BCR: variants seen among roughly 807,000 people sequenced by gnomAD.
BCR encodes BCR activator of RhoGEF and GTPase, also known as breakpoint cluster region protein.
Under a neutral mutation model 138.6 loss-of-function variants are expected in BCR, and 58 were observed. The ratio of observed to expected loss-of-function variants is 0.42; its 90% confidence interval spans 0.34 to 0.52. The LOEUF (loss-of-function observed/expected upper bound fraction) is 0.52, where lower values mean the gene tolerates loss of function less well. Among genes scored for constraint, BCR ranks in the 20% least tolerant of loss-of-function variants. The pLI is 0.06. For missense variants in BCR, 1,599 were observed against 1,727.2 expected (o/e 0.93, Z 1.32); for synonymous variants, 786 against 730.1 (o/e 1.08, Z -1.23).
chr22:23,313,493 A>G (rs1448891184), intron 20 of BCR, among the ~76,000 whole-genome samples: 1 of 152,208 alleles, frequency 6.6e-6, no homozygotes, highest in African/African-American at 2.4e-5. Context: ...GGGCCCATGC[A>G]CAGAGGACCT....
chr22:23,190,414 C>T (rs2072399172), intron 1 of BCR, among the ~76,000 whole-genome samples: 1 of 152,162 alleles, frequency 6.6e-6, no homozygotes, highest in Non-Finnish European at 1.5e-5. Flanking sequence ...GTGATCCGCC[C>T]TCCTCGGCCT....
chr22:23,247,583 C>G (rs2073170795), intron 1 of BCR, among the ~76,000 whole-genome samples: 1 of 152,192 alleles, frequency 6.6e-6, no homozygotes, highest in Non-Finnish European at 1.5e-5. Context: ...GGGTCAGGGG[C>G]TGGGTTCCTG....
intron 1 of BCR, among the ~76,000 whole-genome samples, chr22:23,207,942 T>C (rs1230088868): frequency 6.6e-6 from 1 of 152,184 alleles, no homozygotes; most frequent in African/African-American, 2.4e-5. Flanking sequence ...TGATGGCCTA[T>C]GCACCCCATA....
chr22:23,279,382 G>A (rs1305206060), intron 8 of BCR, among the ~76,000 whole-genome samples: 2 of 152,234 alleles, frequency 1.3e-5, no homozygotes, highest in Non-Finnish European at 1.5e-5. Context: ...CTCGGCTGCA[G>A]TGTATATTGG....
chr22:23,214,747 A>G (rs1056515699), intron 1 of BCR, among the ~76,000 whole-genome samples: 2 of 152,258 alleles, frequency 1.3e-5, no homozygotes, highest in Non-Finnish European at 2.9e-5. Context: ...TGCATTGTCC[A>G]AACCTGCATT....
At chr22:23,277,547 G>A (rs9612277) in intron 8 of BCR, among the ~76,000 whole-genome samples, 35,168 of 152,112 alleles carry the variant, frequency 0.23, 4,428 homozygotes, top group Middle Eastern at 0.3. Flanking sequence ...TGTGTCAAGG[G>A]GTTGGGGCTG....
chr22:23,285,312 C>T, intron 10 of BCR, 111 bp downstream of exon 10: 1 of 1,196,556 alleles, frequency 8.4e-7, no homozygotes, highest in African/African-American at 1.5e-5. Flanking sequence ...CAGGTCTGGT[C>T]TCTGGGACCC....
chr22:23,270,950 T>C (rs534782257), intron 5 of BCR, among the ~76,000 whole-genome samples: 173 of 152,340 alleles, frequency 1.1e-3, no homozygotes, highest in Admixed American at 2.8e-3. Context: ...GGAGGTATAA[T>C]CCAGTGTCAG....
Position 23,181,098 on chromosome 22 carries a change from G to C in BCR, c.138G>C (p.Glu46Asp). Residue 46 changes from glutamate (E) to aspartate (D), a missense_variant, in exon 1 of 23, where the codon GAG (glutamate) becomes GAC (aspartate). Transcript: ENST00000305877. ...ERCKASIRRLEQEVNQERFRM... is the reference protein window; with the variant it reads ...ERCKASIRRLDQEVNQERFRM... ...GCAAGGCCTCCATTCGGCGCCTGGA[G>C]CAGGAGGTGAACCAGGAGCGCTTCC... 6.6e-7 allele frequency: 1 copy of C among 1,511,400 alleles called. No individual in the cohort carries two copies. Among genetic ancestry groups the C allele is most frequent in the Non-Finnish European group, 8.9e-7 (1 of 1,123,190 alleles). The allele number at this position is 1,511,400 out of a possible 1,614,324, so 93.6% of individuals were successfully genotyped here. A position where few individuals can be genotyped will look rare whatever the true frequency, so the allele number is the denominator to read the frequency against.
intron 1 of BCR, among the ~76,000 whole-genome samples, chr22:23,212,232 C>T (rs2072694398): frequency 1.3e-5 from 2 of 152,252 alleles, no homozygotes; most frequent in African/African-American, 2.4e-5. Context: ...CCCTACAGCC[C>T]GGAATCTGAG....
intron 1 of BCR, among the ~76,000 whole-genome samples, chr22:23,202,074 G>A (rs1346728081): frequency 6.6e-6 from 1 of 152,080 alleles, no homozygotes; most frequent in Non-Finnish European, 1.5e-5. Flanking sequence ...ATTTTTAAGG[G>A]CCATATTATT....
At chr22:23,277,519 T>C (rs2073592192) in intron 8 of BCR, among the ~76,000 whole-genome samples, 1 of 152,226 alleles carries the variant, frequency 6.6e-6, no homozygotes, top group Non-Finnish European at 1.5e-5. Context: ...CCCCTGCTGC[T>C]GCTGCTGCTG....
intron 8 of BCR, among the ~76,000 whole-genome samples, chr22:23,274,088 G>C (rs1185415553): frequency 6.6e-6 from 1 of 152,084 alleles, no homozygotes; most frequent in African/African-American, 2.4e-5. Flanking sequence ...TGCCAGCTCA[G>C]GCTCCCCAGC....
chr22:23,276,646 G>A (rs1052738573), intron 8 of BCR, among the ~76,000 whole-genome samples: 5 of 152,356 alleles, frequency 3.3e-5, no homozygotes, highest in East Asian at 1.9e-4. Context: ...CTTGATGGTG[G>A]CTAAGGCAGG....
Position 23,315,425 on chromosome 22 carries a change from C to T in BCR, c.3727-8C>T, listed in dbSNP as rs200602091. The T allele has an allele frequency of 1.2e-6, 2 of 1,613,572 alleles. No homozygotes were observed. Among genetic ancestry groups the T allele is most frequent in the South Asian group, 1.1e-5 (1 of 91,070 alleles). On this transcript the variant is annotated splice_region_variant and splice_polypyrimidine_tract_variant and intron_variant, in intron 22 of 22. Transcript: ENST00000305877. ...GCCACTCTTCTCTTCCCTACTCTGCCCGGGCAGGTCCAGGTGCTGCTGTAC... is the reference window on the plus strand; with the variant it reads ...GCCACTCTTCTCTTCCCTACTCTGCTCGGGCAGGTCCAGGTGCTGCTGTAC...
At chr22:23,285,291 CCTCTGGGCCCCAGGTCTGGT>C in intron 10 of BCR, 90 bp downstream of exon 10, 3 of 1,405,534 alleles carry the variant, frequency 2.1e-6, no homozygotes, top group Non-Finnish European at 2.9e-6. Context: ...CTCCGTCAGG[CCTCTGGGCCCCAGGTCTGGT>C]CTCTGGGACC....
chr22:23,315,092 C>T (rs887538244), intron 22 of BCR, among the ~76,000 whole-genome samples: 29 of 152,248 alleles, frequency 1.9e-4, no homozygotes, highest in African/African-American at 6.7e-4. Context: ...GGCATTGTGG[C>T]ACACATCTGT....
chr22:23,193,562 C>CG (rs1156476428), intron 1 of BCR, among the ~76,000 whole-genome samples: 1 of 152,204 alleles, frequency 6.6e-6, no homozygotes, highest in Non-Finnish European at 1.5e-5. Context: ...GTATGAGCTC[C>CG]GGGGGGACCC....
rs556880874 is a variant in BCR at position 23,201,556 on chromosome 22, C to T, written c.1279+19317C>T. On this transcript the variant is annotated intron_variant, in intron 1 of 22. Transcript: ENST00000305877. ...CACTGCAAGCTCCGCCTCCTGGGTTCATGCCATTCTCCTGCCTCCGCCTCC... is the reference window on the plus strand; with the variant it reads ...CACTGCAAGCTCCGCCTCCTGGGTTTATGCCATTCTCCTGCCTCCGCCTCC... Among the ~76,000 whole-genome samples the T allele has an allele frequency of 1.6e-4, 25 of 152,342 alleles. No individual in the cohort carries two copies. In the South Asian group the frequency reaches 5.2e-3, roughly 32 times the overall value.
Sources: allele counts gnomAD v4.1 joint callset (sites outside exome capture counted in the v4.1 genomes callset), GRCh38; gene constraint gnomAD v4.1.1; transcripts MANE v1.5; gene names NCBI Gene and HGNC (gene_info 2026-07-23, HGNC 2026-07-21).